Variants in DTX2 observed in about 807,000 individuals in gnomAD.
DTX2 encodes the protein deltex E3 ubiquitin ligase 2.
In DTX2, 29 loss-of-function variants were observed where a neutral mutation model predicts 55.3. That is an observed-to-expected ratio of 0.52 (90% confidence interval 0.39 to 0.71). DTX2 has a LOEUF of 0.71. Among genes scored for constraint, DTX2 ranks in the 30% least tolerant of loss-of-function variants. The probability of loss-of-function intolerance (pLI) is 0.00; values close to 1 mark genes in which losing one functional copy is unlikely to be tolerated. For synonymous variants in DTX2, 276 were observed against 340.4 expected, an observed-to-expected ratio of 0.81 and a Z score of 2.08; for missense variants, 537 against 822.5, an observed-to-expected ratio of 0.65 and a Z score of 4.25.
intron 2 of DTX2, among the ~76,000 whole-genome samples, chr7:76,471,712 A>G (rs980517687): frequency 2.7e-5 from 4 of 150,114 alleles, no homozygotes; most frequent in Non-Finnish European, 5.9e-5. Context: ...TACTGTTACC[A>G]TTACACATCC....
At chr7:76,495,779 G>T (rs1306954460) in intron 5 of DTX2, among the ~76,000 whole-genome samples, 1 of 152,044 alleles carries the variant, frequency 6.6e-6, no homozygotes, top group Non-Finnish European at 1.5e-5. Flanking sequence ...AGTCCAGCAG[G>T]GTGGGGCGGG....
chr7:76,505,739 GCT>G lies in DTX2; in HGVS notation c.*140_*141del, dbSNP rs1563763258. On this transcript the variant is annotated 3_prime_UTR_variant, in exon 11 of 11. Coordinates refer to ENST00000430490, the MANE Select transcript of DTX2 (RefSeq NM_001102594.3). The surrounding 1 kb of genome is among the most constrained non-coding windows in gnomAD (Gnocchi z 4.4). Reference sequence around the variant, plus strand: ...GGGGTGTGCCCCACCTGAAGCCGGGGCTCCCCCTGCCTGCCTCTCTCTCCTCC... The same window carrying G: ...GGGGTGTGCCCCACCTGAAGCCGGGGCCCCCTGCCTGCCTCTCTCTCCTCC... 2.2e-6 allele frequency: 2 copies of G among 896,712 alleles called. No individual in the cohort carries two copies. Among genetic ancestry groups the G allele is most frequent in the African/African-American group, 3.3e-5 (2 of 59,838 alleles). The allele number at this position is 896,712 out of a possible 1,614,324, so 55.5% of individuals were successfully genotyped here.
At chr7:76,479,312 G>A (rs1036330262) in intron 2 of DTX2, among the ~76,000 whole-genome samples, 1 of 97,580 alleles carries the variant, frequency 1.0e-5, no homozygotes, top group Non-Finnish European at 2.1e-5. Context: ...GCAGGGGCCA[G>A]GTCGGGGAGT....
chr7:76,502,638 C>T (rs1310020267), intron 8 of DTX2, among the ~76,000 whole-genome samples, 182 bp downstream of exon 8: 1 of 152,148 alleles, frequency 6.6e-6, no homozygotes, highest in Non-Finnish European at 1.5e-5. Context: ...TAGGCCTGCC[C>T]TACTCTTCTA....
At chr7:76,477,817 T>C (rs1400397070) in intron 2 of DTX2, among the ~76,000 whole-genome samples, 1 of 123,202 alleles carries the variant, frequency 8.1e-6, no homozygotes, top group Non-Finnish European at 1.7e-5. Flanking sequence ...AATAAATAAA[T>C]AAATAAATAA....
intron 3 of DTX2, among the ~76,000 whole-genome samples, chr7:76,481,467 A>G (rs1809202880): frequency 6.6e-6 from 1 of 152,086 alleles, no homozygotes; most frequent in Non-Finnish European, 1.5e-5. Context: ...GATTACAAGC[A>G]TGAGCCACCG....
intron 8 of DTX2, 178 bp from the exon 9 acceptor site, chr7:76,503,248 G>A (rs1811940199): frequency 3.1e-5 from 21 of 685,966 alleles, no homozygotes; most frequent in Admixed American, 1.5e-4. Flanking sequence ...AGTTGCTGGT[G>A]CAAAACAAAG....
At chr7:76,477,936 G>A (rs1335784819) in intron 2 of DTX2, among the ~76,000 whole-genome samples, 3 of 150,272 alleles carry the variant, frequency 2.0e-5, no homozygotes, top group Admixed American at 6.7e-5. Context: ...ACAAACCCAG[G>A]TCGGGTCTGG....
chr7:76,472,778 A>G (rs1385323522), intron 2 of DTX2, among the ~76,000 whole-genome samples: 1 of 152,080 alleles, frequency 6.6e-6, no homozygotes, highest in East Asian at 1.9e-4. Flanking sequence ...AAGGTCTTCT[A>G]TCGTTTCTCC....
intron 2 of DTX2, among the ~76,000 whole-genome samples, chr7:76,469,333 G>T (rs1312185874): frequency 9.2e-6 from 1 of 108,806 alleles, no homozygotes; most frequent in African/African-American, 3.8e-5. Flanking sequence ...CATCTTTCCT[G>T]ATTTTCAAGG....
At chr7:76,474,223 C>CT (rs11308718) in intron 2 of DTX2, among the ~76,000 whole-genome samples, 1,386 of 134,430 alleles carry the variant, frequency 0.01, 10 homozygotes, top group African/African-American at 0.02. Context: ...TCTTTCTTTT[C>CT]TTTTTTTTTT....
At chr7:76,501,460 C>T (rs912266106) in intron 7 of DTX2, among the ~76,000 whole-genome samples, 6 of 151,568 alleles carry the variant, frequency 4.0e-5, no homozygotes, top group African/African-American at 1.4e-4. Flanking sequence ...TCCAAGCTGC[C>T]GTCTGCACAG....
At chr7:76,501,733 G>T (rs571986560) in intron 7 of DTX2, among the ~76,000 whole-genome samples, 1 of 152,088 alleles carries the variant, frequency 6.6e-6, no homozygotes, top group African/African-American at 2.4e-5. Flanking sequence ...TGTCTCCCTT[G>T]TAAGACCCCA....
At chr7:76,480,857 A>G (rs1809113657) in intron 3 of DTX2, 80 bp downstream of exon 3, 1 of 1,456,960 alleles carries the variant, frequency 6.9e-7, no homozygotes, top group Non-Finnish European at 9.1e-7. Context: ...TGTTGGGGTG[A>G]TGGACGTGAC....
chr7:76,493,670 G>A lies in DTX2; in HGVS notation c.1009+1417G>A, dbSNP rs1283188273. On this transcript the variant is annotated intron_variant, in intron 5 of 10. Coordinates refer to ENST00000430490, the MANE Select transcript of DTX2 (RefSeq NM_001102594.3). ...TGTCATAGTGGCTGAGAGGGGACAGGCCTGGAGGTAGGGCGGCTGGTGCAG... is the reference window on the plus strand; with the variant it reads ...TGTCATAGTGGCTGAGAGGGGACAGACCTGGAGGTAGGGCGGCTGGTGCAG... Among the ~76,000 whole-genome samples the A allele has an allele frequency of 1.7e-5, 2 of 114,434 alleles. 1 individual carries two copies. The highest frequency in any genetic ancestry group is 4.5e-4 in the East Asian group (2 of 4,400). 75.1% of individuals were successfully genotyped at this position (114,434 alleles called of 152,430 possible).
Position 76,502,411 on chromosome 7 carries a change from C to G in DTX2, c.1344C>G (p.Ala448=). The G allele has an allele frequency of 6.2e-7, 1 of 1,612,744 alleles. No individual in the cohort carries two copies. ...AVGHLTKCSH[A]FHLLCLLAMY... is the part of the protein sequence containing the mutation. ...GCCACCTCACCAAGTGCAGCCATGC[C>G]TTCCACCTGCTGTGCCTCCTGGCCA... Residue 448 remains alanine, a synonymous_variant, in exon 8 of 11, where the codon GCC becomes GCG. Transcript: ENST00000430490.
chr7:76,494,959 C>T (rs1799148), intron 5 of DTX2, among the ~76,000 whole-genome samples: 1 of 97,268 alleles, frequency 1.0e-5, no homozygotes, highest in South Asian at 3.9e-4. Flanking sequence ...TGCGCACAGG[C>T]TTTTTGCAGA....
In DTX2 at chr7:76,482,923, G is replaced by C. The variant is rs369802603; in HGVS notation, c.684G>C (p.Gln228His). The C allele has an allele frequency of 2.9e-4, 468 of 1,613,606 alleles. No individual in the cohort carries two copies. The highest frequency in any genetic ancestry group is 3.9e-4 in the Non-Finnish European group (456 of 1,179,694). Residue 228 changes from glutamine to histidine, a missense_variant, in exon 4 of 11, where the codon CAG (glutamine) becomes CAC (histidine). Physicochemically the swap from Gln to His is conservative, Grantham distance 24 (BLOSUM62 0). Transcript: ENST00000430490. ...ACCTCCCTGCATACCCCGTCCCCCA[G>C]CACCCCCCACACAGGACCGCTTCTG... ...MTNLPAYPVP[Q>H]HPPHRTASVF...
rs751050295 is a variant in DTX2, at chr7:76,480,586, A to G, written c.77A>G (p.Asp26Gly). 3.7e-6 allele frequency: 6 copies of G among 1,612,872 alleles called. No individual in the cohort carries two copies. The highest frequency in any genetic ancestry group is 5.1e-6 in the Non-Finnish European group (6 of 1,179,950). The stretch of plus-strand genomic sequence containing the variant: ...GCTGTGGCCGTGTGGGAATGGCAGG[A>G]CGGGCTGGGCACCTGGCACCCCTAC... ...PAAVAVWEWQ[D>G]GLGTWHPYSA... Residue 26 changes from aspartate (D) to glycine (G), a missense_variant, in exon 3 of 11, where the codon GAC becomes GGC. Asp to Gly is a moderately conservative substitution (Grantham distance 94, BLOSUM62 -1). Around this residue, in one of 7 missense-constraint regions of DTX2, gnomAD observed 301 missense variants for 396.6 expected, o/e 0.76. Coordinates refer to ENST00000430490, the MANE Select transcript of DTX2 (RefSeq NM_001102594.3).
Sources: allele counts gnomAD v4.1 joint callset (sites outside exome capture counted in the v4.1 genomes callset), GRCh38; gene constraint gnomAD v4.1.1; regional missense constraint gnomAD v4.1.1; non-coding constraint Gnocchi (gnomAD v3.1); transcripts MANE v1.5; gene names NCBI Gene and HGNC (gene_info 2026-07-23, HGNC 2026-07-21).